Variants in XYLT1 observed in about 807,000 individuals in gnomAD.
The protein encoded by XYLT1 is beta-D-xylosyltransferase 1.
In XYLT1, 36 loss-of-function variants were observed where a neutral mutation model predicts 91.3. That is an observed-to-expected ratio of 0.39 (90% CI 0.30 to 0.52). The LOEUF (loss-of-function observed/expected upper bound fraction) is 0.52. Among genes scored for constraint, XYLT1 ranks in the 20% least tolerant of loss-of-function variants. XYLT1 has a pLI of 0.68. For synonymous variants in XYLT1, 588 were observed against 532.0 expected, an observed-to-expected ratio of 1.11 and a Z score of -1.45; for missense variants, 1,242 against 1,284.5, an observed-to-expected ratio of 0.97 and a Z score of 0.51.
intron 4 of XYLT1, among the ~76,000 whole-genome samples, chr16:17,199,246 A>G: frequency 6.6e-6 from 1 of 152,174 alleles, no homozygotes; most frequent in Non-Finnish European, 1.5e-5. Context: ...TGCCTTCTTG[A>G]CTAAAGGCAT....
At chr16:17,407,105 G>C (rs543257474) in intron 1 of XYLT1, among the ~76,000 whole-genome samples, 3 of 152,048 alleles carry the variant, frequency 2.0e-5, no homozygotes, top group Non-Finnish European at 4.4e-5. Context: ...GAGTTCAAGC[G>C]ATTCTCCTGC....
chr16:17,270,406 C>G (rs921586554), intron 2 of XYLT1, among the ~76,000 whole-genome samples: 1 of 152,190 alleles, frequency 6.6e-6, no homozygotes, highest in Non-Finnish European at 1.5e-5. Flanking sequence ...GGGGACATGA[C>G]AGTGACAGTC....
chr16:17,138,796 G>C (rs1467487170), intron 7 of XYLT1: 1 of 389,288 alleles, frequency 2.6e-6, no homozygotes, highest in Non-Finnish European at 4.8e-6. Flanking sequence ...TGACTGTCAA[G>C]GGACTCTTAT....
chr16:17,353,610 C>T (rs2035250335), intron 2 of XYLT1, among the ~76,000 whole-genome samples: 2 of 152,188 alleles, frequency 1.3e-5, no homozygotes, highest in Non-Finnish European at 1.5e-5. Flanking sequence ...TCAAAGATAA[C>T]TCACTGCGCA....
chr16:17,330,873 G>A (rs541038342), intron 2 of XYLT1, among the ~76,000 whole-genome samples: 1 of 152,202 alleles, frequency 6.6e-6, no homozygotes, highest in South Asian at 2.1e-4. Context: ...TCCTCAATGC[G>A]CATATCAGGT....
At chr16:17,373,585 CATA>C (rs1332534813) in intron 1 of XYLT1, among the ~76,000 whole-genome samples, 1 of 152,214 alleles carries the variant, frequency 6.6e-6, no homozygotes, top group Non-Finnish European at 1.5e-5. Context: ...CTGTAGAACT[CATA>C]ATAATGGTTG....
intron 1 of XYLT1, among the ~76,000 whole-genome samples, chr16:17,449,953 T>G (rs969196866): frequency 1.3e-5 from 2 of 152,234 alleles, no homozygotes; most frequent in African/African-American, 4.8e-5. Context: ...TGAGCACCTA[T>G]TGTGTGCCAT....
At position 17,116,440 on chromosome 16, in the gene XYLT1, T is replaced by C. The variant is rs183750758; in HGVS notation, c.2557+1206A>G. Among the ~76,000 whole-genome samples the C allele has an allele frequency of 2.4e-4, 37 of 152,350 alleles. No individual in the cohort carries two copies. In the East Asian group the frequency reaches 5.6e-3, roughly 23 times the overall value. ...GACATAAATACATCATAATTATGAT[T>C]TATCTGTGATATTTCCCCCTCAACA... On this transcript the variant is annotated intron_variant, in intron 11 of 11. Coordinates refer to ENST00000261381, the MANE Select transcript of XYLT1 (RefSeq NM_022166.4).
At position 17,192,876 on chromosome 16, in the gene XYLT1, G is replaced by A. The variant is rs143017652; in HGVS notation, c.1289+5336C>T. 5.5e-3 allele frequency: 805 copies of A among 145,086 alleles called. 7 individuals carry two copies. The highest frequency in any genetic ancestry group is 0.019 in the African/African-American group (747 of 38,378). The allele number at this position is 145,086 out of a possible 1,614,324, so 9.0% of individuals were successfully genotyped here. A position where few individuals can be genotyped will look rare whatever the true frequency, so the allele number is the denominator to read the frequency against. On this transcript the variant is annotated intron_variant, in intron 5 of 11. Transcript: ENST00000261381. ...CACCCAGGCTGGAGCGCGGTGGTAC[G>A]ATCTCGGCTCATTGCAGCCTCTGCC...
At chr16:17,373,290 C>T (rs1241354870) in intron 1 of XYLT1, among the ~76,000 whole-genome samples, 9 of 152,152 alleles carry the variant, frequency 5.9e-5, no homozygotes, top group Non-Finnish European at 1.2e-4. Context: ...CAGTAATCAG[C>T]GTCTACAGTG....
At chr16:17,183,958 C>A (rs1168368949) in intron 5 of XYLT1, among the ~76,000 whole-genome samples, 1 of 152,112 alleles carries the variant, frequency 6.6e-6, no homozygotes, top group African/African-American at 2.4e-5. Flanking sequence ...TCCCTTATCC[C>A]ACTTTTAATA....
At position 17,321,342 on chromosome 16, in the gene XYLT1, C is replaced by CTTTTTTTTTTTTTTTTTT. The variant is rs10606202; in HGVS notation, c.402+36652_402+36669dup. 1.6e-4 allele frequency among the ~76,000 whole-genome samples: 7 copies of CTTTTTTTTTTTTTTTTTT among 43,622 alleles called. 1 individual carries two copies. The highest frequency in any genetic ancestry group is 2.5e-4 in the Non-Finnish European group (6 of 23,760). The allele number at this position is 43,622 out of a possible 152,430, so 28.6% of individuals were successfully genotyped here. A position where few individuals can be genotyped will look rare whatever the true frequency, so the allele number is the denominator to read the frequency against. The stretch of plus-strand genomic sequence containing the variant: ...GACAGTTCCCAAAGTACTAACTAGC[C>CTTTTTTTTTTTTTTTTTT]TTTTTTTTTTTTTTTTTTTTTTTTT... On this transcript the variant is annotated intron_variant, in intron 2 of 11. Transcript: ENST00000261381.
At chr16:17,309,428 AG>A (rs2034512633) in intron 2 of XYLT1, among the ~76,000 whole-genome samples, 1 of 152,214 alleles carries the variant, frequency 6.6e-6, no homozygotes, top group East Asian at 1.9e-4. Flanking sequence ...TGGAGGGGAG[AG>A]GGATCAACGC....
At chr16:17,440,806 C>T (rs905290024) in intron 1 of XYLT1, among the ~76,000 whole-genome samples, 2 of 152,096 alleles carry the variant, frequency 1.3e-5, no homozygotes. Flanking sequence ...TGGAGAAGTC[C>T]AGTAGGGGTA....
chr16:17,116,548 C>T (rs1966852652), intron 11 of XYLT1, among the ~76,000 whole-genome samples: 2 of 152,198 alleles, frequency 1.3e-5, no homozygotes, highest in Non-Finnish European at 2.9e-5. Flanking sequence ...ATTGTATGAA[C>T]AGCCAGCCAA....
At chr16:17,338,947 A>G (rs1455395755) in intron 2 of XYLT1, among the ~76,000 whole-genome samples, 2 of 152,222 alleles carry the variant, frequency 1.3e-5, no homozygotes, top group African/African-American at 4.8e-5. Context: ...CCACTCCTAC[A>G]TGATCACAGA....
chr16:17,223,543 T>C (rs759114938), intron 3 of XYLT1, among the ~76,000 whole-genome samples: 15 of 152,244 alleles, frequency 9.9e-5, no homozygotes, highest in Non-Finnish European at 2.1e-4. Context: ...TGTGCATGCT[T>C]CTCTGTGCTA....
At chr16:17,405,052 T>C (rs1294880154) in intron 1 of XYLT1, among the ~76,000 whole-genome samples, 1 of 152,174 alleles carries the variant, frequency 6.6e-6, no homozygotes. Context: ...GGGCCCCTGG[T>C]TAATCAAACG....
chr16:17,159,784 T>C (rs1406928033), intron 5 of XYLT1, among the ~76,000 whole-genome samples: 2 of 152,222 alleles, frequency 1.3e-5, no homozygotes, highest in Non-Finnish European at 2.9e-5. Flanking sequence ...ACTAGCAGTG[T>C]AATCACAGCT....
Sources: allele counts gnomAD v4.1 joint callset (sites outside exome capture counted in the v4.1 genomes callset), GRCh38; gene constraint gnomAD v4.1.1; transcripts MANE v1.5; gene names NCBI Gene and HGNC (gene_info 2026-07-23, HGNC 2026-07-21).